The following INIP variants were observed in gnomAD, a reference collection of about 807,000 sequenced individuals.
INIP encodes INTS3 and NABP interacting protein.
In INIP, 9 loss-of-function variants were observed where a neutral mutation model predicts 14.0. The ratio of observed to expected loss-of-function variants is 0.64; its 90% CI spans 0.39 to 1.12. The LOEUF is 1.12. Among genes scored for constraint, INIP ranks in the 50% most tolerant of loss-of-function variants. The pLI, the probability that INIP is intolerant of heterozygous loss-of-function variation, is 0.01. For synonymous variants in INIP, 37 were observed against 41.5 expected, an observed-to-expected ratio of 0.89 and a Z score of 0.41; for missense variants, 78 against 122.7, an observed-to-expected ratio of 0.64 and a Z score of 1.72.
intron 2 of INIP, among the ~76,000 whole-genome samples, chr9:112,696,933 C>G (rs919930533): frequency 2.6e-5 from 4 of 152,202 alleles, no homozygotes; most frequent in Non-Finnish European, 4.4e-5. Context: ...AGAAGCTCAT[C>G]TGAACCTTGT....
At chr9:112,709,823 C>T (rs1588087247) in intron 2 of INIP, among the ~76,000 whole-genome samples, 1 of 152,206 alleles carries the variant, frequency 6.6e-6, no homozygotes, top group African/African-American at 2.4e-5. Context: ...ACTACACAAA[C>T]AGTCTCAGAT....
chr9:112,700,034 T>C (rs1383690313), intron 2 of INIP, among the ~76,000 whole-genome samples: 2 of 152,140 alleles, frequency 1.3e-5, no homozygotes, highest in East Asian at 1.9e-4. Flanking sequence ...ATAATACACA[T>C]AACATGAAAT....
At chr9:112,710,345 A>C (rs1838608381) in intron 2 of INIP, among the ~76,000 whole-genome samples, 1 of 152,198 alleles carries the variant, frequency 6.6e-6, no homozygotes, top group Admixed American at 6.5e-5. Context: ...GAAAAAAATA[A>C]AAGAATTCAT....
At chr9:112,711,181 T>A (rs1230966338) in intron 2 of INIP, among the ~76,000 whole-genome samples, 1 of 151,540 alleles carries the variant, frequency 6.6e-6, no homozygotes, top group African/African-American at 2.4e-5. Flanking sequence ...TAAAAAAAAA[T>A]TAAATTAAAG....
intron 1 of INIP, 46 bp from the exon 2 acceptor site, chr9:112,716,587 C>G: frequency 1.0e-6 from 1 of 989,668 alleles, no homozygotes; most frequent in South Asian, 1.3e-5. Context: ...ATATTTTAAT[C>G]ACAAACTAAA....
intron 2 of INIP, among the ~76,000 whole-genome samples, chr9:112,696,493 A>G (rs1400875144): frequency 4.6e-5 from 7 of 152,136 alleles, no homozygotes; most frequent in African/African-American, 1.7e-4. Context: ...TCAACACAAA[A>G]CTTCTAACAC....
chr9:112,713,317 C>G (rs80209334), intron 2 of INIP, among the ~76,000 whole-genome samples: 1,691 of 152,204 alleles, frequency 0.011, 30 homozygotes, highest in African/African-American at 0.038. Flanking sequence ...GTGAATCAAC[C>G]AGAATATTCA....
Position 112,689,592 on chromosome 9 carries a change from T to C in INIP, c.154A>G (p.Asn52Asp). ...ASIALSRPSL[N>D]KDFRDHAEQQ... ...TCAGCGTGATCCCGGAAGTCCTTAT[T>C]AAGAGAGGGTCTCGAGAGTGCAATG... The change falls in exon 4 of 5, where the codon AAT becomes GAT. Residue 52 changes from asparagine (N) to aspartate (D), a missense_variant. Physicochemically the swap from Asn to Asp is conservative, Grantham distance 23 (BLOSUM62 1). Transcript: ENST00000374242. 6.2e-7 allele frequency: 1 copy of C among 1,614,138 alleles called. No homozygotes were observed. Among genetic ancestry groups the C allele is most frequent in the South Asian group, 1.1e-5 (1 of 91,070 alleles).
In INIP at chr9:112,689,629, A is replaced by G. The variant is rs1452928472; in HGVS notation, c.129-12T>C. 2.5e-6 allele frequency: 4 copies of G among 1,605,242 alleles called. No homozygotes were observed. On this transcript the variant is annotated splice_polypyrimidine_tract_variant and intron_variant, in intron 3 of 4. Transcript: ENST00000374242. Reference sequence around the variant, plus strand: ...TCGAGAGTGCAATGCTAAAATGGGAATCTTGGTTACTCAGCTGCTTAAGGC... The same window carrying G: ...TCGAGAGTGCAATGCTAAAATGGGAGTCTTGGTTACTCAGCTGCTTAAGGC...
chr9:112,696,378 G>A (rs58971000), intron 2 of INIP, among the ~76,000 whole-genome samples: 1,640 of 152,228 alleles, frequency 0.011, 25 homozygotes, highest in African/African-American at 0.038. Flanking sequence ...GGATACGCCT[G>A]TCTCGAGAGA....
chr9:112,690,332 A>T (rs1227071549), intron 3 of INIP, among the ~76,000 whole-genome samples: 1 of 152,168 alleles, frequency 6.6e-6, no homozygotes. Context: ...CTCTACAAAA[A>T]CAAGATTAAC....
intron 2 of INIP, among the ~76,000 whole-genome samples, chr9:112,709,491 C>G (rs1044853086): frequency 2.0e-5 from 3 of 152,046 alleles, no homozygotes; most frequent in Non-Finnish European, 4.4e-5. Flanking sequence ...GCCTCAGGAC[C>G]AAAGGGGATA....
intron 2 of INIP, among the ~76,000 whole-genome samples, chr9:112,697,107 G>A (rs1307450647): frequency 6.6e-6 from 1 of 152,186 alleles, no homozygotes; most frequent in Non-Finnish European, 1.5e-5. Flanking sequence ...CTGGCAACCA[G>A]CCTCCATCCA....
In INIP at chr9:112,683,995, G is replaced by A. The variant is rs979889267; in HGVS notation, c.*3543C>T. 6.6e-6 allele frequency: 1 copy of A among 152,066 alleles called. No homozygotes were observed. Among genetic ancestry groups the A allele is most frequent in the Non-Finnish European group, 1.5e-5 (1 of 68,010 alleles). The allele number at this position is 152,066 out of a possible 1,614,324, so 9.4% of individuals were successfully genotyped here. A position where few individuals can be genotyped will look rare whatever the true frequency, so the allele number is the denominator to read the frequency against. Reference sequence around the variant, plus strand: ...AAAGCACTGACATCTGCATTATTTAGAAGCGGCTTTCAAAACTTTTTTTGC... The same window carrying A: ...AAAGCACTGACATCTGCATTATTTAAAAGCGGCTTTCAAAACTTTTTTTGC... On this transcript the variant is annotated 3_prime_UTR_variant, in exon 5 of 5. Transcript: ENST00000374242.
At position 112,705,918 on chromosome 9, in the gene INIP, C is replaced by T. The variant is rs751182848; in HGVS notation, c.25+10543G>A. 9.2e-5 allele frequency among the ~76,000 whole-genome samples: 14 copies of T among 152,160 alleles called. 1 individual carries two copies. Among genetic ancestry groups the T allele is most frequent in the Admixed American group, 2.0e-4 (3 of 15,258 alleles). On this transcript the variant is annotated intron_variant, in intron 2 of 4. Coordinates refer to ENST00000374242, the MANE Select transcript of INIP (RefSeq NM_021218.3). ...TGATCAAATAGGCAATGGGGAGCTA[C>T]TCAGAGTATTTAGAAAAGGACGAGG...
At chr9:112,692,661 T>G (rs1837931562) in intron 3 of INIP, among the ~76,000 whole-genome samples, 1 of 151,530 alleles carries the variant, frequency 6.6e-6, no homozygotes, top group South Asian at 2.1e-4. Flanking sequence ...TACCTAAATT[T>G]GGCCTACTTT....
At chr9:112,691,218 C>A (rs1340961229) in intron 3 of INIP, among the ~76,000 whole-genome samples, 2 of 152,120 alleles carry the variant, frequency 1.3e-5, no homozygotes. Flanking sequence ...ATGTGAGACA[C>A]CTTTCAAAGT....
At chr9:112,698,290 CGA>C (rs1263350780) in intron 2 of INIP, among the ~76,000 whole-genome samples, 1 of 115,418 alleles carries the variant, frequency 8.7e-6, no homozygotes, top group Non-Finnish European at 1.6e-5. Flanking sequence ...GGTGACAGAG[CGA>C]GACTCTGTCT....
At chr9:112,709,958 C>G (rs1418913351) in intron 2 of INIP, among the ~76,000 whole-genome samples, 1 of 152,180 alleles carries the variant, frequency 6.6e-6, no homozygotes, top group African/African-American at 2.4e-5. Context: ...GAGATTTAGC[C>G]TTCAGAAACC....
Sources: allele counts gnomAD v4.1 joint callset (sites outside exome capture counted in the v4.1 genomes callset), GRCh38; gene constraint gnomAD v4.1.1; transcripts MANE v1.5; gene names NCBI Gene and HGNC (gene_info 2026-07-23, HGNC 2026-07-21).